The following PKHD1L1 variants were observed in gnomAD, a reference collection of about 807,000 sequenced individuals.
PKHD1L1 encodes fibrocystin-L.
A neutral mutation model predicts 462.9 loss-of-function variants in PKHD1L1; 434 were observed. The ratio of observed to expected loss-of-function variants is 0.94; its 90% CI spans 0.87 to 1.02. The LOEUF (loss-of-function observed/expected upper bound fraction) is 1.02. PKHD1L1 is among the 50% of genes least tolerant of loss of function. PKHD1L1 has a pLI of 0.00. For missense variants in PKHD1L1, 5,202 were observed against 5,096.1 expected, an observed-to-expected ratio of 1.02 and a Z score of -0.63; for synonymous variants, 1,781 against 1,750.0, an observed-to-expected ratio of 1.02 and a Z score of -0.44.
In PKHD1L1 at chr8:109,449,464, T is replaced by C; in HGVS notation, c.6152T>C (p.Leu2051Ser). The stretch of plus-strand genomic sequence containing the variant: ...CTTAGATCTGATTACACAACACTAT[T>C]ATGTGAAATTCCATCTAATAATGGT... The part of the protein sequence containing the change: ...DRLRSDYTTL[L>S]CEIPSNNGTG... The change falls in exon 40 of 78, where the codon TTA becomes TCA. Residue 2051 changes from leucine (L) to serine (S), a missense_variant. Physicochemically the swap from Leu to Ser is moderately radical, Grantham distance 145 (BLOSUM62 -2). Coordinates refer to ENST00000378402, the MANE Select transcript of PKHD1L1 (RefSeq NM_177531.6). 6.3e-7 allele frequency: 1 copy of C among 1,598,146 alleles called. No homozygotes were observed. Among genetic ancestry groups the C allele is most frequent in the Non-Finnish European group, 8.5e-7 (1 of 1,171,814 alleles).
chr8:109,365,868 G>C (rs1334732178), intron 2 of PKHD1L1, among the ~76,000 whole-genome samples: 2 of 152,166 alleles, frequency 1.3e-5, no homozygotes, highest in Non-Finnish European at 2.9e-5. Flanking sequence ...CAGCTACCCA[G>C]GAGCCTGAGG....
Position 109,498,729 on chromosome 8 carries a change from A to C in PKHD1L1, c.10786A>C (p.Ile3596Leu). The C allele has an allele frequency of 6.2e-7, 1 of 1,613,970 alleles. No individual in the cohort carries two copies. The highest frequency in any genetic ancestry group is 8.5e-7 in the Non-Finnish European group (1 of 1,179,870). Residue 3596 changes from isoleucine to leucine, a missense_variant, in exon 67 of 78, where the codon ATC becomes CTC. Ile to Leu is a conservative substitution (Grantham distance 5). This residue lies in a region of PKHD1L1 where 4,497 missense variants were observed against 4,336.8 expected (regional missense o/e 1.04). Transcript: ENST00000378402. ...GGCACCCCGAAAGCCCCATGCAGGA[A>C]TCATGAGTTACAATGCCATCAGTGG... Reference protein sequence around the residue: ...NMAPRKPHAGIMSYNAISGLL... With the variant: ...NMAPRKPHAGLMSYNAISGLL...
intron 28 of PKHD1L1, 110 bp from the exon 29 acceptor site, chr8:109,435,080 C>G (rs1387358559): frequency 1.8e-6 from 2 of 1,131,014 alleles, no homozygotes; most frequent in Non-Finnish European, 2.5e-6. Flanking sequence ...TTTGGATATA[C>G]TTCGTGAGAT....
intron 27 of PKHD1L1, among the ~76,000 whole-genome samples, chr8:109,431,905 TC>T (rs1815125132): frequency 6.6e-6 from 1 of 152,188 alleles, no homozygotes; most frequent in African/African-American, 2.4e-5. Context: ...CAAATTGCTC[TC>T]CCAAGTGGCT....
rs1314121702 is a variant in PKHD1L1, at chr8:109,484,393, T to C, written c.9577-651T>C. Among the ~76,000 whole-genome samples, 7 of 151,670 alleles carry C rather than the reference T, an allele frequency of 4.6e-5. No homozygotes were observed. The South Asian group carries it at 1.2e-3, about 27-fold the overall frequency. On this transcript the variant is annotated intron_variant, in intron 57 of 77. Coordinates refer to ENST00000378402, the MANE Select transcript of PKHD1L1 (RefSeq NM_177531.6). ...ATCTATCATGGAACTTCCATTGGAG[T>C]GGGAGAGTCAGATAGTAAATGAACA...
intron 72 of PKHD1L1, among the ~76,000 whole-genome samples, chr8:109,517,774 T>C (rs1167625655): frequency 2.6e-5 from 4 of 152,140 alleles, no homozygotes; most frequent in African/African-American, 7.2e-5. Flanking sequence ...ATAAATTAGA[T>C]AGCTAGTAAA....
At chr8:109,490,188 T>C (rs1586613314) in intron 60 of PKHD1L1, 133 bp downstream of exon 60, 1 of 593,108 alleles carries the variant, frequency 1.7e-6, no homozygotes, top group East Asian at 3.1e-5. Context: ...TCTTGGCCCA[T>C]TAACTTTTTA....
chr8:109,447,279 A>C (rs1227960886), intron 38 of PKHD1L1, among the ~76,000 whole-genome samples: 1 of 152,198 alleles, frequency 6.6e-6, no homozygotes, highest in Non-Finnish European at 1.5e-5. Context: ...ATATCTCTTT[A>C]GTATCTGTCA....
At chr8:109,429,551 G>A (rs146929498) in intron 26 of PKHD1L1, 89 bp downstream of exon 26, 509 of 1,236,380 alleles carry the variant, frequency 4.1e-4, no homozygotes, top group Non-Finnish European at 5.3e-4. Flanking sequence ...GAAACAGGAG[G>A]TTTGACTTCT....
At position 109,504,424 on chromosome 8, in the gene PKHD1L1, T is replaced by C. The variant is rs73700608; in HGVS notation, c.10926T>C (p.His3642=). ...PLNEDLQHPI[H]VKNIKLVDTT... is the part of the protein sequence containing the mutation. ...ATGAGGATTTACAGCATCCAATCCA[T>C]GTGAAGAATATAAAACTGGTTGATA... The change falls in exon 68 of 78, where the codon CAT becomes CAC. Residue 3642 remains histidine (H), a synonymous_variant. Transcript: ENST00000378402. 0.014 allele frequency: 21,717 copies of C among 1,565,972 alleles called. 797 individuals are homozygous for C. In the African/African-American group the frequency reaches 0.14, roughly 10 times the overall value.
At chr8:109,460,741 T>C (rs2130817474) in intron 47 of PKHD1L1, among the ~76,000 whole-genome samples, 1 of 152,316 alleles carries the variant, frequency 6.6e-6, no homozygotes, top group Middle Eastern at 3.4e-3. Context: ...ATGTCAGTGA[T>C]TTAAAATATA....
At chr8:109,451,351 C>T (rs571531582) in intron 41 of PKHD1L1, among the ~76,000 whole-genome samples, 49 of 152,310 alleles carry the variant, frequency 3.2e-4, no homozygotes, top group Admixed American at 7.2e-4. Context: ...TGCCTACCCA[C>T]GGAGAAGTCC....
chr8:109,533,147 C>A lies in PKHD1L1; in HGVS notation c.*3057C>A, dbSNP rs1821077332. Among the ~76,000 whole-genome samples, 7 of 152,208 alleles carry A rather than the reference C, an allele frequency of 4.6e-5. No homozygotes were observed. The highest frequency in any genetic ancestry group is 3.9e-4 in the Admixed American group (6 of 15,284). ...ACTTTTCCTCAAGCATGGGCAAGTG[C>A]TTCATTGGGAAGAGTTTTTAATCCA... On this transcript the variant is annotated 3_prime_UTR_variant, in exon 78 of 78. Transcript: ENST00000378402.
chr8:109,406,946 G>GA (rs1813584881), intron 17 of PKHD1L1, among the ~76,000 whole-genome samples: 1 of 151,294 alleles, frequency 6.6e-6, no homozygotes, highest in Non-Finnish European at 1.5e-5. Flanking sequence ...AAAGGAAAAA[G>GA]AAAAAAATCA....
At chr8:109,520,849 T>C (rs1820515743) in intron 73 of PKHD1L1, among the ~76,000 whole-genome samples, 1 of 152,106 alleles carries the variant, frequency 6.6e-6, no homozygotes, top group Admixed American at 6.6e-5. Context: ...TCAGCAGAAA[T>C]GAATGCCCTC....
intron 6 of PKHD1L1, 88 bp downstream of exon 6, chr8:109,385,718 C>A (rs1586404313): frequency 1.4e-5 from 11 of 779,682 alleles, no homozygotes; most frequent in East Asian, 3.2e-5. Flanking sequence ...TATTAAATCC[C>A]ATTACAATGT....
Position 109,435,195 on chromosome 8 carries a change from G to C in PKHD1L1, c.3346G>C (p.Glu1116Gln). 6.2e-7 allele frequency: 1 copy of C among 1,612,190 alleles called. No homozygotes were observed. Among genetic ancestry groups the C allele is most frequent in the Admixed American group, 1.7e-5 (1 of 59,806 alleles). Residue 1116 changes from glutamate (E) to glutamine (Q), a missense_variant, in exon 29 of 78, where the codon GAG becomes CAG. This residue lies in a region of PKHD1L1 where 4,497 missense variants were observed against 4,336.8 expected (regional missense o/e 1.04). Coordinates refer to ENST00000378402, the MANE Select transcript of PKHD1L1 (RefSeq NM_177531.6). ...CTTTTTCTTTTTTTCACAAGAAAAA[G>C]AGCTCAAGTGCCAGATTCTGAATGG... ...GCSLLSVDEK[E>Q]LKCQILNGSA... is the part of the protein sequence containing the mutation.
chr8:109,523,496 C>T (rs1283538580), intron 76 of PKHD1L1, 110 bp downstream of exon 76: 3 of 1,050,480 alleles, frequency 2.9e-6, no homozygotes, highest in East Asian at 2.6e-5. Flanking sequence ...AAATTATAGA[C>T]ATCAGAATGC....
In PKHD1L1 at chr8:109,452,826, A is replaced by G; in HGVS notation, c.6616A>G (p.Ile2206Val). Residue 2206 changes from isoleucine (I) to valine (V), a missense_variant, in exon 43 of 78, where the codon ATT (isoleucine) becomes GTT (valine). Physicochemically the swap from Ile to Val is conservative, Grantham distance 29. This residue lies in a region of PKHD1L1 where 4,497 missense variants were observed against 4,336.8 expected (regional missense o/e 1.04). Coordinates refer to ENST00000378402, the MANE Select transcript of PKHD1L1 (RefSeq NM_177531.6). ...TGTTGTTATTACAAAAGGACAGACC[A>G]TTCTGCTGGATCAAAGCACCCCTAT... ...SLVVITKGQT[I>V]LLDQSTPILK... The G allele has an allele frequency of 6.5e-7, 1 of 1,532,758 alleles. No homozygotes were observed. Among genetic ancestry groups the G allele is most frequent in the Non-Finnish European group, 8.7e-7 (1 of 1,143,408 alleles). The allele number at this position is 1,532,758 out of a possible 1,614,324, so 94.9% of individuals were successfully genotyped here.
Sources: allele counts gnomAD v4.1 joint callset (sites outside exome capture counted in the v4.1 genomes callset), GRCh38; gene constraint gnomAD v4.1.1; regional missense constraint gnomAD v4.1.1; transcripts MANE v1.5; gene names NCBI Gene and HGNC (gene_info 2026-07-23, HGNC 2026-07-21).